The following SNTG1 variants were observed in gnomAD, a reference collection of about 807,000 sequenced individuals.
SNTG1 encodes the protein gamma-1-syntrophin.
A neutral mutation model predicts 74.7 loss-of-function variants in SNTG1; 39 were observed. The observed-to-expected ratio is 0.52, with a 90% confidence interval of 0.40 to 0.68. The LOEUF (loss-of-function observed/expected upper bound fraction) is 0.68, where lower values mean the gene tolerates loss of function less well. Among genes scored for constraint, SNTG1 ranks in the 30% least tolerant of loss-of-function variants. The pLI, the probability that SNTG1 is intolerant of heterozygous loss-of-function variation, is 0.00. For synonymous variants in SNTG1, 254 were observed against 217.1 expected, an observed-to-expected ratio of 1.17 and a Z score of -1.49; for missense variants, 685 against 609.5, an observed-to-expected ratio of 1.12 and a Z score of -1.30.
intron 1 of SNTG1, among the ~76,000 whole-genome samples, chr8:49,974,705 A>G (rs958603735): frequency 2.6e-5 from 4 of 152,132 alleles, no homozygotes; most frequent in Non-Finnish European, 5.9e-5. Context: ...ACTTACAGCT[A>G]TAAAATCCAA....
At chr8:50,661,624 G>A (rs1295841649) in intron 15 of SNTG1, among the ~76,000 whole-genome samples, 1 of 152,054 alleles carries the variant, frequency 6.6e-6, no homozygotes, top group Non-Finnish European at 1.5e-5. Context: ...ATGGTGGTTT[G>A]CTGCACCTAT....
At chr8:50,504,967 T>C (rs1428966162) in intron 9 of SNTG1, among the ~76,000 whole-genome samples, 1 of 152,106 alleles carries the variant, frequency 6.6e-6, no homozygotes, top group African/African-American at 2.4e-5. Flanking sequence ...AAAATGGAAA[T>C]TCTATACCCC....
intron 8 of SNTG1, among the ~76,000 whole-genome samples, chr8:50,492,670 C>A (rs1215573180): frequency 6.6e-6 from 1 of 152,028 alleles, no homozygotes; most frequent in African/African-American, 2.4e-5. Context: ...AAATTTTCTC[C>A]CATTCTGTAG....
At chr8:50,720,844 C>T (rs7008693) in intron 17 of SNTG1, among the ~76,000 whole-genome samples, 3,294 of 152,162 alleles carry the variant, frequency 0.022, 103 homozygotes, top group African/African-American at 0.071. Flanking sequence ...CTACATAAAT[C>T]GTTCTTTCAA....
intron 17 of SNTG1, among the ~76,000 whole-genome samples, chr8:50,728,519 A>G (rs897558412): frequency 2.0e-5 from 3 of 152,102 alleles, no homozygotes; most frequent in African/African-American, 7.2e-5. Context: ...AAAGAGCCCA[A>G]TATTATCAAT....
intron 18 of SNTG1, among the ~76,000 whole-genome samples, chr8:50,784,788 T>A (rs923526467): frequency 2.0e-5 from 3 of 152,196 alleles, no homozygotes; most frequent in Admixed American, 2.0e-4. Flanking sequence ...ATATCTAAGA[T>A]CACTTGTATG....
At chr8:49,962,838 C>T (rs1416858047) in intron 1 of SNTG1, among the ~76,000 whole-genome samples, 3 of 152,228 alleles carry the variant, frequency 2.0e-5, no homozygotes, top group African/African-American at 7.2e-5. Flanking sequence ...AGTTGTTCCA[C>T]CTGCCTTGGC....
At chr8:50,608,348 T>G (rs933696217) in intron 13 of SNTG1, among the ~76,000 whole-genome samples, 1 of 151,784 alleles carries the variant, frequency 6.6e-6, no homozygotes, top group African/African-American at 2.4e-5. Flanking sequence ...GAATTTTGTC[T>G]TATTTTGTTT....
intron 18 of SNTG1, among the ~76,000 whole-genome samples, chr8:50,753,564 T>C (rs898046373): frequency 1.1e-4 from 17 of 151,954 alleles, no homozygotes; most frequent in African/African-American, 4.1e-4. Flanking sequence ...ATCTAATGGC[T>C]ACTAACTATG....
intron 2 of SNTG1, among the ~76,000 whole-genome samples, chr8:50,380,334 T>A (rs900547722): frequency 6.6e-6 from 1 of 152,164 alleles, no homozygotes; most frequent in Non-Finnish European, 1.5e-5. Context: ...AGGCATAACC[T>A]GAAGATGTGA....
intron 1 of SNTG1, among the ~76,000 whole-genome samples, chr8:50,031,570 A>G (rs1295015016): frequency 6.6e-6 from 1 of 152,092 alleles, no homozygotes; most frequent in African/African-American, 2.4e-5. Context: ...ACTTTTTTCC[A>G]CATAAATGTA....
chr8:50,061,667 CAT>C lies in SNTG1; in HGVS notation c.-102-110893_-102-110892del, dbSNP rs147663518. 3.0e-3 allele frequency among the ~76,000 whole-genome samples: 459 copies of C among 152,222 alleles called. 3 individuals carry two copies. In the East Asian group the frequency reaches 0.039, roughly 13 times the overall value. ...CTTATTACTGTTTAGCTGCATCCCACATGTTTAATATTCTATATCTTCATATT... is the reference window on the plus strand; with the variant it reads ...CTTATTACTGTTTAGCTGCATCCCACGTTTAATATTCTATATCTTCATATT... On this transcript the variant is annotated intron_variant, in intron 1 of 18. Coordinates refer to ENST00000642720, the MANE Select transcript of SNTG1 (RefSeq NM_018967.5).
chr8:50,348,806 G>T (rs1265484490), intron 2 of SNTG1, among the ~76,000 whole-genome samples: 1 of 152,158 alleles, frequency 6.6e-6, no homozygotes, highest in Admixed American at 6.6e-5. Flanking sequence ...AAAGGCAAAT[G>T]CTTTGTATTT....
At chr8:50,487,384 C>T (rs1447554213) in intron 8 of SNTG1, among the ~76,000 whole-genome samples, 3 of 152,166 alleles carry the variant, frequency 2.0e-5, no homozygotes, top group African/African-American at 7.2e-5. Flanking sequence ...AAGACACATG[C>T]ACACGTTTAT....
intron 1 of SNTG1, among the ~76,000 whole-genome samples, chr8:49,933,778 G>A (rs318874): frequency 0.17 from 26,543 of 152,072 alleles, 4,529 homozygotes; most frequent in African/African-American, 0.44. Context: ...AAAGAGATGG[G>A]TGTGAGCCCA....
intron 1 of SNTG1, among the ~76,000 whole-genome samples, chr8:50,039,662 G>T (rs1465888631): frequency 6.6e-6 from 1 of 151,862 alleles, no homozygotes; most frequent in South Asian, 2.1e-4. Context: ...TGCCTATAGA[G>T]TATATTCCCT....
In SNTG1 at chr8:49,911,550, A is replaced by G. The variant is rs1178050639; in HGVS notation, c.-784A>G. 2.2e-5 allele frequency: 3 copies of G among 137,738 alleles called. No individual in the cohort carries two copies. The highest frequency in any genetic ancestry group is 7.7e-5 in the Admixed American group (1 of 13,024). The allele number at this position is 137,738 out of a possible 1,614,324, so 8.5% of individuals were successfully genotyped here. On this transcript the variant is annotated 5_prime_UTR_variant, in exon 1 of 19. Transcript: ENST00000642720. Reference sequence around the variant, plus strand: ...TAATTTGGAGAAACAATTAGCCCCTACAAAAAAAAAAAAGAAAGAAAAAAG... The same window carrying G: ...TAATTTGGAGAAACAATTAGCCCCTGCAAAAAAAAAAAAGAAAGAAAAAAG...
intron 8 of SNTG1, among the ~76,000 whole-genome samples, chr8:50,458,586 T>G (rs2093530021): frequency 1.3e-5 from 2 of 152,070 alleles, no homozygotes; most frequent in African/African-American, 4.8e-5. Flanking sequence ...ATATCCAGAC[T>G]TCTTGTATAT....
chr8:50,672,429 G>A (rs1454312383), intron 15 of SNTG1, among the ~76,000 whole-genome samples: 1 of 152,082 alleles, frequency 6.6e-6, no homozygotes, highest in Non-Finnish European at 1.5e-5. Flanking sequence ...TTTCTGTAAT[G>A]ATCAGTGATC....
Sources: gnomAD v4.1 joint callset for allele counts (sites outside exome capture counted in the v4.1 genomes callset) on GRCh38, gnomAD v4.1.1 for gene constraint, MANE v1.5 for transcripts, NCBI Gene and HGNC (gene_info 2026-07-23, HGNC 2026-07-21) for gene names.